Variants in RBM27 observed in about 807,000 individuals in gnomAD.
The protein encoded by RBM27 is RNA binding motif protein 27, also known as RNA-binding protein 27.
RBM27 carries 22 observed loss-of-function variants against 135.3 expected under a neutral mutation model. The observed-to-expected ratio is 0.16, with a 90% CI of 0.12 to 0.23. The LOEUF (loss-of-function observed/expected upper bound fraction) is 0.23. RBM27 is among the 10% of genes least tolerant of loss of function. The pLI is 1.00. For missense variants in RBM27, 1,009 were observed against 1,281.0 expected (o/e 0.79, Z 3.24); for synonymous variants, 481 against 442.4 (o/e 1.09, Z -1.10).
intron 19 of RBM27, among the ~76,000 whole-genome samples, chr5:146,278,443 C>T (rs1274019165): frequency 1.3e-5 from 2 of 152,110 alleles, no homozygotes; most frequent in Non-Finnish European, 2.9e-5. Flanking sequence ...CACTCAATTT[C>T]ACTCCCCATA....
chr5:146,243,519 G>T (rs1757497960), intron 8 of RBM27, among the ~76,000 whole-genome samples: 2 of 152,128 alleles, frequency 1.3e-5, no homozygotes, highest in Admixed American at 1.3e-4. Context: ...CTATAATTCA[G>T]AGATAGAAAA....
chr5:146,241,496 T>A (rs1757407355), intron 8 of RBM27, among the ~76,000 whole-genome samples: 1 of 152,222 alleles, frequency 6.6e-6, no homozygotes, highest in Non-Finnish European at 1.5e-5. Context: ...ATTATTATTA[T>A]TTTTTGAGAC....
Position 146,271,541 on chromosome 5 carries a change from G to A in RBM27, c.2855G>A (p.Arg952Gln), listed in dbSNP as rs1410859316. 4 of 1,613,624 alleles carry A rather than the reference G, an allele frequency of 2.5e-6. No individual in the cohort carries two copies. The highest frequency in any genetic ancestry group is 1.7e-4 in the Middle Eastern group (1 of 6,004). Residue 952 changes from arginine (R) to glutamine (Q), a missense_variant, in exon 19 of 21, where the codon CGA becomes CAA. Coordinates refer to ENST00000265271, the MANE Select transcript of RBM27 (RefSeq NM_018989.2). The part of the protein sequence containing the change: ...GRGKTMSSQG[R>Q]GRGRGRGGRG... ...GGAAAGACCATGTCCTCTCAAGGTCGAGGAAGAGGCCGAGGGCGTGGAGGA... is the reference window on the plus strand; with the variant it reads ...GGAAAGACCATGTCCTCTCAAGGTCAAGGAAGAGGCCGAGGGCGTGGAGGA...
Position 146,279,452 on chromosome 5 carries a change from C to T in RBM27, c.2989-5170C>T, listed in dbSNP as rs542362644. On this transcript the variant is annotated intron_variant, in intron 19 of 20. Coordinates refer to ENST00000265271, the MANE Select transcript of RBM27 (RefSeq NM_018989.2). ...ACAGAGTGAGACTCTGTCTAAAAAA[C>T]AAAAAAACAAAAAAAAAACAAAACT... Among the ~76,000 whole-genome samples, 7 of 136,364 alleles carry T rather than the reference C, an allele frequency of 5.1e-5. No individual in the cohort carries two copies. The East Asian group carries it at 9.2e-4, about 18-fold the overall frequency. The allele number at this position is 136,364 out of a possible 152,430, so 89.5% of individuals were successfully genotyped here. A position where few individuals can be genotyped will look rare whatever the true frequency, so the allele number is the denominator to read the frequency against.
At chr5:146,259,745 G>A (rs1227228409) in intron 11 of RBM27, among the ~76,000 whole-genome samples, 5 of 150,448 alleles carry the variant, frequency 3.3e-5, no homozygotes, top group African/African-American at 4.9e-5. Flanking sequence ...AGGCCAAGGC[G>A]GGTGGATCAT....
At chr5:146,251,899 T>G (rs1757906127) in intron 9 of RBM27, 24 bp downstream of exon 9, 6 of 1,608,094 alleles carry the variant, frequency 3.7e-6, no homozygotes, top group Non-Finnish European at 5.1e-6. Flanking sequence ...CAGATGGCCA[T>G]CCACCTCACT....
intron 19 of RBM27, among the ~76,000 whole-genome samples, chr5:146,284,033 T>G (rs1272624922): frequency 2.6e-5 from 4 of 152,314 alleles, no homozygotes; most frequent in African/African-American, 9.6e-5. Context: ...AAAAAATGTT[T>G]AAAAATTAGT....
At position 146,261,646 on chromosome 5, in the gene RBM27, A is replaced by C; in HGVS notation, c.2030A>C (p.Glu677Ala). The C allele has an allele frequency of 1.2e-6, 2 of 1,614,218 alleles. No homozygotes were observed. Among genetic ancestry groups the C allele is most frequent in the Non-Finnish European group, 1.7e-6 (2 of 1,180,030 alleles). Residue 677 changes from glutamate (E) to alanine (A), a missense_variant, in exon 13 of 21, where the codon GAG becomes GCG. Physicochemically the swap from Glu to Ala is moderately radical, Grantham distance 107 (BLOSUM62 -1). This residue lies in a region of RBM27 where 355 missense variants were observed against 427.3 expected (regional missense o/e 0.83). Coordinates refer to ENST00000265271, the MANE Select transcript of RBM27 (RefSeq NM_018989.2). ...IRVLWHRENN[E>A]QPTLQSSAQL... ...GTCTTGTGGCATAGGGAAAATAATG[A>C]GCAACCGACACTACAGTCCTCAGCA...
rs564605934 is a variant in RBM27, at chr5:146,263,930, C to A, written c.2331+299C>A. ...GACCAGCCTGGCCAAAATGGCGAAACCCCCTCTCTACTAAAAATACAAAAA... is the reference window on the plus strand; with the variant it reads ...GACCAGCCTGGCCAAAATGGCGAAAACCCCTCTCTACTAAAAATACAAAAA... On this transcript the variant is annotated intron_variant, in intron 14 of 20. Coordinates refer to ENST00000265271, the MANE Select transcript of RBM27 (RefSeq NM_018989.2). 1.3e-3 allele frequency among the ~76,000 whole-genome samples: 189 copies of A among 151,150 alleles called. 2 individuals carry two copies. Among genetic ancestry groups the A allele is most frequent in the Non-Finnish European group, 1.5e-3 (100 of 67,774 alleles).
intron 14 of RBM27, 113 bp downstream of exon 14, chr5:146,263,744 C>T (rs1758493799): frequency 4.1e-6 from 5 of 1,206,372 alleles, no homozygotes; most frequent in Non-Finnish European, 5.7e-6. Flanking sequence ...CTAAGTGTGG[C>T]AGGTATACCT....
intron 10 of RBM27, among the ~76,000 whole-genome samples, chr5:146,257,810 G>GT (rs879802758): frequency 0.032 from 4,490 of 139,626 alleles, 209 homozygotes; most frequent in African/African-American, 0.1. Context: ...CATTGTTTTT[G>GT]TTTTTTTTTT....
At chr5:146,215,774 A>G (rs1756163814) in intron 1 of RBM27, among the ~76,000 whole-genome samples, 1 of 149,676 alleles carries the variant, frequency 6.7e-6, no homozygotes, top group Admixed American at 6.7e-5. Flanking sequence ...TTTTTTTGAG[A>G]CTGTCTCTCT....
intron 2 of RBM27, among the ~76,000 whole-genome samples, chr5:146,223,173 C>A (rs916008597): frequency 6.6e-6 from 1 of 152,044 alleles, no homozygotes; most frequent in African/African-American, 2.4e-5. Context: ...TGTTTCCGAT[C>A]GTTTGCTATT....
chr5:146,217,446 A>G (rs1015051393), intron 1 of RBM27, among the ~76,000 whole-genome samples: 10 of 136,254 alleles, frequency 7.3e-5, no homozygotes, highest in African/African-American at 2.8e-4. Context: ...TGTGATTGAT[A>G]CTCTTGAGCT....
rs115051859 is a variant in RBM27, at chr5:146,223,651, G to A, written c.303+124G>A. 4,495 of 1,109,260 alleles carry A rather than the reference G, an allele frequency of 4.1e-3. 49 individuals carry two copies. The highest frequency in any genetic ancestry group is 0.035 in the African/African-American group (2,194 of 62,120). 68.7% of individuals were successfully genotyped at this position (1,109,260 alleles called of 1,614,324 possible). On this transcript the variant is annotated intron_variant, in intron 3 of 20. Coordinates refer to ENST00000265271, the MANE Select transcript of RBM27 (RefSeq NM_018989.2). ...ATTCAAGTTTCCGGATTTTAGGCAT[G>A]GTACAGATTCTTCATCAGGATTTCA... is the stretch of plus-strand genomic sequence containing the variant.
rs1175329164 is a variant in RBM27, at chr5:146,258,500, G to A, written c.1646G>A (p.Ser549Asn). 1.2e-6 allele frequency: 2 copies of A among 1,603,396 alleles called. No homozygotes were observed. The highest frequency in any genetic ancestry group is 1.7e-6 in the Non-Finnish European group (2 of 1,174,702). ...TEPPVPVSINSNITRVVLEPD... is the reference protein window; with the variant it reads ...TEPPVPVSINNNITRVVLEPD... Reference sequence around the variant, plus strand: ...CCACCAGTTCCTGTTTCGATTAATAGCAACATAACCAGAGTAGTTCTTGAA... The same window carrying A: ...CCACCAGTTCCTGTTTCGATTAATAACAACATAACCAGAGTAGTTCTTGAA... Residue 549 changes from serine to asparagine, a missense_variant, in exon 11 of 21, where the codon AGC becomes AAC. Transcript: ENST00000265271.
intron 19 of RBM27, among the ~76,000 whole-genome samples, chr5:146,279,760 A>G (rs1330710481): frequency 6.7e-6 from 1 of 148,930 alleles, no homozygotes; most frequent in Non-Finnish European, 1.5e-5. Flanking sequence ...GTGAACCCAG[A>G]TTGCGCCACT....
rs766423547 is a variant in RBM27, at chr5:146,251,707, A to G, written c.1280-4A>G. The G allele has an allele frequency of 3.1e-6, 5 of 1,605,446 alleles. No individual in the cohort carries two copies. Among genetic ancestry groups the G allele is most frequent in the Non-Finnish European group, 4.3e-6 (5 of 1,172,180 alleles). ...CAGCTGCCCTCCTATTCTTTCCTCT[A>G]TAGGACAGCCCATGTACTCTCGTGA... is the stretch of plus-strand genomic sequence containing the variant. On this transcript the variant is annotated splice_region_variant and splice_polypyrimidine_tract_variant and intron_variant, in intron 8 of 20. Coordinates refer to ENST00000265271, the MANE Select transcript of RBM27 (RefSeq NM_018989.2).
intron 2 of RBM27, among the ~76,000 whole-genome samples, chr5:146,222,557 G>T (rs1347278762): frequency 2.0e-5 from 3 of 152,168 alleles, no homozygotes; most frequent in East Asian, 3.9e-4. Flanking sequence ...GGTGGCACAT[G>T]CCTGTAATCC....
Sources: allele counts gnomAD v4.1 joint callset (sites outside exome capture counted in the v4.1 genomes callset), GRCh38; gene constraint gnomAD v4.1.1; regional missense constraint gnomAD v4.1.1; transcripts MANE v1.5; gene names NCBI Gene and HGNC (gene_info 2026-07-23, HGNC 2026-07-21).